The following SRRM3 variants were observed in gnomAD, a reference collection of about 807,000 sequenced individuals.
SRRM3 encodes the protein serine/arginine repetitive matrix 3.
Under a neutral mutation model 66.2 loss-of-function variants are expected in SRRM3, and 27 were observed. That is an observed-to-expected ratio of 0.41 (90% CI 0.30 to 0.56). SRRM3 has a LOEUF of 0.56. Ranked by LOEUF, SRRM3 falls within the 20% of genes least tolerant of loss-of-function variation. SRRM3 has a pLI of 0.32. For synonymous variants in SRRM3, 391 were observed against 414.9 expected, an observed-to-expected ratio of 0.94 and a Z score of 0.70; for missense variants, 918 against 991.9, an observed-to-expected ratio of 0.93 and a Z score of 1.00.
chr7:76,251,888 C>A (rs937032565), intron 3 of SRRM3, among the ~76,000 whole-genome samples: 1 of 151,870 alleles, frequency 6.6e-6, no homozygotes. Context: ...CACGGTGAAA[C>A]CCCCATCTCT....
intron 1 of SRRM3, among the ~76,000 whole-genome samples, chr7:76,218,915 C>G (rs1177104958): frequency 1.3e-5 from 2 of 151,648 alleles, no homozygotes; most frequent in East Asian, 3.9e-4. Flanking sequence ...GGTGCAGCGG[C>G]GTGATCTTGG....
At chr7:76,265,607 G>T (rs947389307) in intron 10 of SRRM3, 139 bp downstream of exon 10, 3 of 650,750 alleles carry the variant, frequency 4.6e-6, no homozygotes, top group Non-Finnish European at 7.3e-6. Context: ...GGGTAGCCAG[G>T]TGTGGTGGCT....
At chr7:76,262,498 C>A (rs1453250377) in intron 8 of SRRM3, among the ~76,000 whole-genome samples, 2 of 125,474 alleles carry the variant, frequency 1.6e-5, no homozygotes, top group African/African-American at 3.3e-5. Flanking sequence ...CTGGGTGACA[C>A]AGCGAGACTC....
chr7:76,210,447 T>A lies in SRRM3; in HGVS notation c.-40+8380T>A, dbSNP rs79494142. ...AATGCTGTCTTCTTCTCTCTCCTGCTCCTCAGACATCAGAAAGCAGAGATC... is the reference window on the plus strand; with the variant it reads ...AATGCTGTCTTCTTCTCTCTCCTGCACCTCAGACATCAGAAAGCAGAGATC... On this transcript the variant is annotated intron_variant, in intron 1 of 14. Transcript: ENST00000611745. Among the ~76,000 whole-genome samples the A allele has an allele frequency of 6.1e-4, 93 of 152,310 alleles. 2 individuals are homozygous for A. In the East Asian group the frequency reaches 0.015, roughly 25 times the overall value.
At chr7:76,223,405 CCT>C (rs782360152) in intron 1 of SRRM3, among the ~76,000 whole-genome samples, 2 of 152,172 alleles carry the variant, frequency 1.3e-5, no homozygotes, top group Non-Finnish European at 2.9e-5. Flanking sequence ...GGAATATGTC[CCT>C]GTCATGGCTG....
At position 76,282,995 on chromosome 7, in the gene SRRM3, T is replaced by C. The variant is rs1257627215; in HGVS notation, c.1627T>C (p.Ser543Pro). Reference sequence around the variant, plus strand: ...GGACGGCGAGGGCCGCGCAAGGCACTCTGAGGCCGAGGCCACCCGCGCCCG... The same window carrying C: ...GGACGGCGAGGGCCGCGCAAGGCACCCTGAGGCCGAGGCCACCCGCGCCCG... The part of the protein sequence containing the change: ...DKDGEGRARH[S>P]EAEATRARRR... Residue 543 changes from serine (S) to proline (P), a missense_variant, in exon 14 of 15, where the codon TCT (serine) becomes CCT (proline). Physicochemically the swap from Ser to Pro is moderately conservative, Grantham distance 74. Transcript: ENST00000611745. 2.1e-6 allele frequency: 3 copies of C among 1,457,156 alleles called. No homozygotes were observed. Among genetic ancestry groups the C allele is most frequent in the African/African-American group, 3.0e-5 (2 of 67,668 alleles). The allele number at this position is 1,457,156 out of a possible 1,614,324, so 90.3% of individuals were successfully genotyped here. A position where few individuals can be genotyped will look rare whatever the true frequency, so the allele number is the denominator to read the frequency against.
chr7:76,223,941 C>T (rs1342380016), intron 1 of SRRM3, among the ~76,000 whole-genome samples: 1 of 100,552 alleles, frequency 9.9e-6, no homozygotes, highest in Non-Finnish European at 2.1e-5. Context: ...TCCCCCTCTC[C>T]CTTCTCTTCC....
chr7:76,231,874 G>A (rs1801024551), intron 1 of SRRM3, among the ~76,000 whole-genome samples: 1 of 152,142 alleles, frequency 6.6e-6, no homozygotes, highest in Non-Finnish European at 1.5e-5. Flanking sequence ...GTGAAGAAAA[G>A]GGGAAACAGG....
At chr7:76,281,827 G>C in intron 12 of SRRM3, 25 bp downstream of exon 12, 1 of 1,326,732 alleles carries the variant, frequency 7.5e-7, no homozygotes, top group Non-Finnish European at 9.6e-7. Flanking sequence ...CCCGGAGCTG[G>C]ACTCCCGCCC....
chr7:76,244,608 G>C (rs1486015179), intron 2 of SRRM3, among the ~76,000 whole-genome samples: 1 of 151,114 alleles, frequency 6.6e-6, no homozygotes, highest in African/African-American at 2.4e-5. Flanking sequence ...TCATTCAATT[G>C]GTCCCCAAGT....
intron 10 of SRRM3, among the ~76,000 whole-genome samples, chr7:76,266,614 TTATATATTAA>T (rs1256837344): frequency 7.7e-6 from 1 of 129,094 alleles, no homozygotes; most frequent in African/African-American, 2.9e-5. Context: ...TTTAATTATG[TTATATATTAA>T]TATATATTTA....
At chr7:76,267,190 A>T in intron 10 of SRRM3, 68 bp from the exon 11 acceptor site, 1 of 1,360,042 alleles carries the variant, frequency 7.4e-7, no homozygotes, top group Non-Finnish European at 9.6e-7. Context: ...GGGAAAGAGG[A>T]GGCGCAACTG....
chr7:76,277,032 C>G (rs1802367140), intron 11 of SRRM3, among the ~76,000 whole-genome samples: 1 of 152,256 alleles, frequency 6.6e-6, no homozygotes, highest in Admixed American at 6.5e-5. Flanking sequence ...ACAACAAACT[C>G]ACACCAGGGC....
Position 76,283,942 on chromosome 7 carries a change from C to T in SRRM3, c.1733+841C>T, listed in dbSNP as rs55844165. The T allele has an allele frequency of 4.3e-3, 2,381 of 547,522 alleles. 56 individuals are homozygous for T. In the African/African-American group the frequency reaches 0.046, roughly 10 times the overall value. The allele number at this position is 547,522 out of a possible 1,614,324, so 33.9% of individuals were successfully genotyped here. A position where few individuals can be genotyped will look rare whatever the true frequency, so the allele number is the denominator to read the frequency against. On this transcript the variant is annotated intron_variant, in intron 14 of 14. Coordinates refer to ENST00000611745, the MANE Select transcript of SRRM3 (RefSeq NM_001110199.3). ...AGTTCTGAGCCCAACTCTGCCACTGCCTTGCTGGGCAGCCTTGGGAGATCG... is the reference window on the plus strand; with the variant it reads ...AGTTCTGAGCCCAACTCTGCCACTGTCTTGCTGGGCAGCCTTGGGAGATCG...
Position 76,281,381 on chromosome 7 carries a change from C to G in SRRM3, c.1009-60C>G, listed in dbSNP as rs1280528684. 2.6e-6 allele frequency: 3 copies of G among 1,148,816 alleles called. No homozygotes were observed. The African/African-American group carries it at 4.9e-5, about 19-fold the overall frequency. 71.2% of individuals were successfully genotyped at this position (1,148,816 alleles called of 1,614,324 possible). ...TCTGTCTCCTCTCTTCTCTCTCTGT[C>G]TCTGTCTCTCTCGTCTCCCTCTCCC... On this transcript the variant is annotated intron_variant, in intron 11 of 14. Coordinates refer to ENST00000611745, the MANE Select transcript of SRRM3 (RefSeq NM_001110199.3).
rs1554608369 is a variant in SRRM3, at chr7:76,260,124, C to G, written c.472C>G (p.His158Asp). The G allele has an allele frequency of 1.3e-6, 2 of 1,494,940 alleles. No individual in the cohort carries two copies. The highest frequency in any genetic ancestry group is 2.5e-5 in the South Asian group (2 of 80,498). 92.6% of individuals were successfully genotyped at this position (1,494,940 alleles called of 1,614,324 possible). ...YRGHRGYRTK[H>D]WSSSSASPPP... Reference sequence around the variant, plus strand: ...CCGCCCCTTCTCCCCCAGGACCAAGCATTGGTCTAGCAGCTCGGCATCGCC... The same window carrying G: ...CCGCCCCTTCTCCCCCAGGACCAAGGATTGGTCTAGCAGCTCGGCATCGCC... Residue 158 changes from histidine to aspartate, a missense_variant, in exon 5 of 15, where the codon CAT (histidine) becomes GAT (aspartate). His to Asp is a moderately conservative substitution (Grantham distance 81). Coordinates refer to ENST00000611745, the MANE Select transcript of SRRM3 (RefSeq NM_001110199.3).
At chr7:76,227,389 C>T (rs1394303679) in intron 1 of SRRM3, among the ~76,000 whole-genome samples, 1 of 152,232 alleles carries the variant, frequency 6.6e-6, no homozygotes, top group Non-Finnish European at 1.5e-5. Context: ...TTCCCCATCA[C>T]AATAAATGGC....
intron 3 of SRRM3, among the ~76,000 whole-genome samples, chr7:76,249,233 A>G (rs1244807205): frequency 6.6e-6 from 1 of 151,942 alleles, no homozygotes; most frequent in Non-Finnish European, 1.5e-5. Context: ...AAAATACACA[A>G]AAATTAGCCA....
intron 12 of SRRM3, among the ~76,000 whole-genome samples, chr7:76,282,005 AC>A (rs1159756245): frequency 2.9e-5 from 2 of 68,472 alleles, no homozygotes; most frequent in Non-Finnish European, 5.4e-5. Context: ...TCACTGAACT[AC>A]CCCCCACGGA....
Sources: gnomAD v4.1 joint callset for allele counts (sites outside exome capture counted in the v4.1 genomes callset) on GRCh38, gnomAD v4.1.1 for gene constraint, MANE v1.5 for transcripts, NCBI Gene and HGNC (gene_info 2026-07-23, HGNC 2026-07-21) for gene names.